Variants in RIF1 observed in about 807,000 individuals in gnomAD.
The protein encoded by RIF1 is telomere-associated protein RIF1.
In RIF1, 45 loss-of-function variants were observed where a neutral mutation model predicts 247.1. The ratio of observed to expected loss-of-function variants is 0.18; its 90% CI spans 0.14 to 0.23. The LOEUF (loss-of-function observed/expected upper bound fraction) is 0.23. RIF1 is among the 10% of genes least tolerant of loss of function. The pLI, the probability that RIF1 is intolerant of heterozygous loss-of-function variation, is 1.00. For missense variants in RIF1, 2,967 were observed against 2,862.5 expected (o/e 1.04, Z -0.83); for synonymous variants, 1,087 against 978.8 (o/e 1.11, Z -2.06).
At chr2:151,508,485 A>G (rs887312683), downstream of RIF1, among the ~76,000 whole-genome samples, 1 of 152,212 alleles carries the variant, frequency 6.6e-6, no homozygotes, top group Non-Finnish European at 1.5e-5. Flanking sequence ...ATGTAGCCAG[A>G]CTGTTCAACA....
intron 23 of RIF1, among the ~76,000 whole-genome samples, chr2:151,456,915 G>C (rs952427564): frequency 6.6e-6 from 1 of 151,958 alleles, no homozygotes; most frequent in Admixed American, 6.6e-5. Context: ...TGTGTATTTA[G>C]TAGAGACAGG....
At chr2:151,482,563 G>GATGAAGTAAT (rs1299825304), downstream of RIF1, among the ~76,000 whole-genome samples, 2 of 152,114 alleles carry the variant, frequency 1.3e-5, no homozygotes, top group African/African-American at 4.8e-5. Flanking sequence ...TGCCAGGCTA[G>GATGAAGTAAT]TCACCAGATG....
chr2:151,496,225 A>AAAG, intron 10 of RIF1: 3 of 1,456,960 alleles, frequency 2.1e-6, no homozygotes, highest in Non-Finnish European at 2.8e-6. Context: ...TTAAATCATA[A>AAAG]AAGTAGTTTT....
At chr2:151,437,593 A>C (rs1426119509) in intron 13 of RIF1, among the ~76,000 whole-genome samples, 2 of 152,162 alleles carry the variant, frequency 1.3e-5, no homozygotes, top group African/African-American at 4.8e-5. Context: ...CGGGAGGCGG[A>C]GGCATGAGAA....
chr2:151,443,068 G>A lies in RIF1; in HGVS notation c.1735-191G>A, dbSNP rs147227297. Among the ~76,000 whole-genome samples, 97 of 152,086 alleles carry A rather than the reference G, an allele frequency of 6.4e-4. 1 individual carries two copies. Among genetic ancestry groups the A allele is most frequent in the South Asian group, 2.7e-3 (13 of 4,810 alleles). ...TGGCATTACAGGAGTGAGCCACTGC[G>A]CCCGGCCAAGAGCTTGATTTTTGTG... is the stretch of plus-strand genomic sequence containing the variant. On this transcript the variant is annotated intron_variant, in intron 16 of 35. Coordinates refer to ENST00000444746, the MANE Select transcript of RIF1 (RefSeq NM_018151.5).
chr2:151,490,376 TGA>T lies in RIF1; in HGVS notation c.*416-4850_*416-4849del. The T allele has an allele frequency of 6.3e-7, 1 of 1,588,764 alleles. No homozygotes were observed. ...ATCAGCGCCAGGCACTTGTACCTGTTGAGACTGCAAAGACACCCCCGTCGCTG... is the reference window on the plus strand; with the variant it reads ...ATCAGCGCCAGGCACTTGTACCTGTTGACTGCAAAGACACCCCCGTCGCTG... On this transcript the variant is annotated intron_variant and NMD_transcript_variant, in intron 9 of 13. Transcript: ENST00000454583.
chr2:151,423,252 A>C (rs758340076), intron 8 of RIF1: 1 of 481,002 alleles, frequency 2.1e-6, no homozygotes, highest in Non-Finnish European at 3.6e-6. Flanking sequence ...GTGGCAAAGA[A>C]TTGGAGTCAC....
At chr2:151,419,275 T>C (rs1401787590) in intron 6 of RIF1, among the ~76,000 whole-genome samples, 2 of 152,040 alleles carry the variant, frequency 1.3e-5, no homozygotes, top group Non-Finnish European at 2.9e-5. Context: ...TGATAAAAAT[T>C]ATAGTGTAGT....
chr2:151,438,860 C>A, intron 14 of RIF1, 114 bp downstream of exon 14: 1 of 662,324 alleles, frequency 1.5e-6, no homozygotes, highest in South Asian at 1.9e-5. Context: ...AAAAGTATTT[C>A]TTGCACTACC....
chr2:151,507,121 G>A, intron 13 of RIF1: 1 of 697,054 alleles, frequency 1.4e-6, no homozygotes, highest in South Asian at 1.8e-5. Context: ...TTAAAAAAAA[G>A]TCTATGCACA....
rs192409850 is a variant in RIF1 at position 151,462,447 on chromosome 2, A to G, written c.3344A>G (p.Asp1115Gly). 96 of 1,564,648 alleles carry G rather than the reference A, an allele frequency of 6.1e-5. No individual in the cohort carries two copies. Among genetic ancestry groups the G allele is most frequent in the Admixed American group, 1.2e-4 (7 of 56,656 alleles). Residue 1115 changes from aspartate (D) to glycine (G), a missense_variant, in exon 29 of 36, where the codon GAT becomes GGT. Asp to Gly is a moderately conservative substitution (Grantham distance 94). Transcript: ENST00000444746. The stretch of plus-strand genomic sequence containing the variant: ...ACTTTAACCAGAAAACCAAAGGAGG[A>G]TTCTAAGATGATGATTACGGTATGT... Reference protein sequence around the residue: ...IPTLTRKPKEDSKMMITEEQM... With the variant: ...IPTLTRKPKEGSKMMITEEQM...
rs1163984285 is a variant in RIF1, at chr2:151,410,014, C to A, written c.-30C>A. The A allele has an allele frequency of 1.4e-6, 1 of 702,764 alleles. No homozygotes were observed. The highest frequency in any genetic ancestry group is 1.7e-5 in the African/African-American group (1 of 57,266). The allele number at this position is 702,764 out of a possible 1,614,324, so 43.5% of individuals were successfully genotyped here. A position where few individuals can be genotyped will look rare whatever the true frequency, so the allele number is the denominator to read the frequency against. ...TGCTGAGGGGCAGAGGCGGAGAGAA[C>A]CCTGTCCTGATCTTCCTAGGTGGGA... On this transcript the variant is annotated 5_prime_UTR_variant, in exon 1 of 36. Coordinates refer to ENST00000444746, the MANE Select transcript of RIF1 (RefSeq NM_018151.5).
chr2:151,464,026 TA>T lies in RIF1; in HGVS notation c.4514del (p.Lys1505ArgfsTer18). 7 of 1,607,442 alleles carry T rather than the reference TA, an allele frequency of 4.4e-6. No individual in the cohort carries two copies. Among genetic ancestry groups the T allele is most frequent in the South Asian group, 2.2e-5 (2 of 89,826 alleles). On this transcript the variant is annotated frameshift_variant, in exon 30 of 36. Transcript: ENST00000444746. LOFTEE classifies it high-confidence loss of function. ...GTGCTAATGCAGAAACTGAACAAAA[TA>T]AAAAAAAGGCAGACCCTGAGAACAT... ...TSANAETEQN[K>X]KKADPENIKS...
At chr2:151,451,025 G>A (rs1694220945) in intron 20 of RIF1, among the ~76,000 whole-genome samples, 1 of 152,132 alleles carries the variant, frequency 6.6e-6, no homozygotes, top group Admixed American at 6.6e-5. Flanking sequence ...CTTTTATGGG[G>A]ATCTTAAAAG....
chr2:151,435,289 G>A (rs948426921), intron 10 of RIF1, among the ~76,000 whole-genome samples, 174 bp from the exon 11 acceptor site: 1 of 152,180 alleles, frequency 6.6e-6, no homozygotes, highest in African/African-American at 2.4e-5. Flanking sequence ...GGCAAATACA[G>A]TTGTAATGTT....
At chr2:151,466,844 T>G (rs916163544) in intron 30 of RIF1, among the ~76,000 whole-genome samples, 3 of 152,252 alleles carry the variant, frequency 2.0e-5, no homozygotes, top group Non-Finnish European at 4.4e-5. Flanking sequence ...AACCTGCTAT[T>G]CATTGTAGAA....
chr2:151,518,989 C>G, the RIF1 span: 3 of 1,613,200 alleles, frequency 1.9e-6, no homozygotes, highest in African/African-American at 4.0e-5. Context: ...GGCTTGTATT[C>G]AGGACATGAT....
intron 9 of RIF1, among the ~76,000 whole-genome samples, chr2:151,430,487 A>G (rs2152295183): frequency 6.6e-6 from 1 of 151,496 alleles, no homozygotes; most frequent in South Asian, 2.1e-4. Flanking sequence ...ACGTCTGGCT[A>G]ATTTTTGTAT....
intron 13 of RIF1, chr2:151,506,996 G>T: frequency 6.3e-7 from 1 of 1,599,246 alleles, no homozygotes; most frequent in Non-Finnish European, 8.6e-7. Context: ...TGTTTTTAAG[G>T]TCACACTGGT....
Sources: allele counts gnomAD v4.1 joint callset (sites outside exome capture counted in the v4.1 genomes callset), GRCh38; gene constraint gnomAD v4.1.1; transcripts MANE v1.5; gene names NCBI Gene and HGNC (gene_info 2026-07-23, HGNC 2026-07-21).